Variants in FYB1 observed in about 807,000 individuals in gnomAD.
The protein encoded by FYB1 is FYN-binding protein 1.
FYB1 carries 41 observed loss-of-function variants against 94.1 expected under a neutral mutation model. The observed-to-expected ratio is 0.44, with a 90% confidence interval of 0.34 to 0.57. The LOEUF (loss-of-function observed/expected upper bound fraction) is 0.57, where lower values mean the gene tolerates loss of function less well. Among genes scored for constraint, FYB1 ranks in the 20% least tolerant of loss-of-function variants. The probability of loss-of-function intolerance (pLI) is 0.02; values close to 1 mark genes in which losing one functional copy is unlikely to be tolerated. For synonymous variants in FYB1, 367 were observed against 353.2 expected (o/e 1.04, Z -0.44); for missense variants, 1,050 against 976.8 (o/e 1.07, Z -1.00).
Position 39,107,431 on chromosome 5 carries a change from C to A in FYB1, c.*12G>T. 3 of 1,526,820 alleles carry A rather than the reference C, an allele frequency of 2.0e-6. No homozygotes were observed. Among genetic ancestry groups the A allele is most frequent in the Non-Finnish European group, 2.6e-6 (3 of 1,132,646 alleles). 94.6% of individuals were successfully genotyped at this position (1,526,820 alleles called of 1,614,324 possible). On this transcript the variant is annotated 3_prime_UTR_variant, in exon 19 of 19. Transcript: ENST00000512982. ...CACCTAATGAACACAGCAGAATGAC[C>A]AAAGTTGAGTGCTAGTCATTGTCAT...
chr5:39,128,662 A>G (rs1159008687), intron 10 of FYB1, among the ~76,000 whole-genome samples: 1 of 152,158 alleles, frequency 6.6e-6, no homozygotes, highest in Non-Finnish European at 1.5e-5. Context: ...CAAACTTAAA[A>G]GAAAGAAGTG....
rs557141802 is a variant in FYB1 at position 39,227,591 on chromosome 5, G to A, written c.-27-24604C>T. Among the ~76,000 whole-genome samples, 8 of 152,326 alleles carry A rather than the reference G, an allele frequency of 5.3e-5. No individual in the cohort carries two copies. The East Asian group carries it at 1.5e-3, about 29-fold the overall frequency. ...TCTGTAGATTTTAATTTTTAAAAAT[G>A]ATAAAATATAAACACTAAAGTGAAT... On this transcript the variant is annotated intron_variant, in intron 1 of 1. Transcript: ENST00000510188.
At chr5:39,238,465 G>T (rs1403256282) in intron 1 of FYB1, among the ~76,000 whole-genome samples, 2 of 151,968 alleles carry the variant, frequency 1.3e-5, no homozygotes, top group African/African-American at 4.8e-5. Context: ...ATTTAATTAA[G>T]GTGAGATCAA....
At chr5:39,241,376 A>G (rs1453656981) in intron 1 of FYB1, among the ~76,000 whole-genome samples, 1 of 152,176 alleles carries the variant, frequency 6.6e-6, no homozygotes, top group Admixed American at 6.5e-5. Context: ...AGGACCTATG[A>G]GTCTGGTCCA....
chr5:39,185,230 C>T lies in FYB1; in HGVS notation c.1135+16596G>A, dbSNP rs182656234. 6.2e-4 allele frequency among the ~76,000 whole-genome samples: 95 copies of T among 152,080 alleles called. 2 individuals carry two copies. Among genetic ancestry groups the T allele is most frequent in the Non-Finnish European group, 7.4e-5 (5 of 67,988 alleles). On this transcript the variant is annotated intron_variant, in intron 2 of 18. Transcript: ENST00000512982. The stretch of plus-strand genomic sequence containing the variant: ...TTTAGGATGGTTGTCTTATTCTTAC[C>T]ATGTGCACACTCTTCATTGTTATCA...
Position 39,155,674 on chromosome 5 carries a change from G to GT in FYB1, c.1136-2071dup, listed in dbSNP as rs576684587. Among the ~76,000 whole-genome samples the GT allele has an allele frequency of 4.5e-4, 68 of 151,628 alleles. No homozygotes were observed. The South Asian group carries it at 6.7e-3, about 15-fold the overall frequency. On this transcript the variant is annotated intron_variant, in intron 2 of 18. Transcript: ENST00000512982. The stretch of plus-strand genomic sequence containing the variant: ...TTTTCTCCTACTTCGCTGTGGCTTA[G>GT]TTTTTTTGTTGTTGTTGTTTTTTGT...
At chr5:39,146,693 G>A (rs932281971) in intron 3 of FYB1, among the ~76,000 whole-genome samples, 12 of 152,280 alleles carry the variant, frequency 7.9e-5, no homozygotes, top group Admixed American at 2.6e-4. Context: ...ATTCATACAC[G>A]TGTGTCTGCA....
intron 12 of FYB1, 28 bp downstream of exon 12, chr5:39,125,970 A>G: frequency 6.2e-7 from 1 of 1,608,540 alleles, no homozygotes; most frequent in Non-Finnish European, 8.5e-7. Flanking sequence ...TAGTTATTGT[A>G]CACTGGATTT....
At chr5:39,195,243 C>T (rs1431574917) in intron 2 of FYB1, among the ~76,000 whole-genome samples, 1 of 152,196 alleles carries the variant, frequency 6.6e-6, no homozygotes, top group African/African-American at 2.4e-5. Context: ...GCACTTACCG[C>T]TACGTTTCTA....
chr5:39,202,344 G>T lies in FYB1; in HGVS notation c.617C>A (p.Thr206Asn), dbSNP rs1198718214. 1 of 1,613,848 alleles carries T rather than the reference G, an allele frequency of 6.2e-7. No homozygotes were observed. The highest frequency in any genetic ancestry group is 1.3e-5 in the African/African-American group (1 of 74,916). The change falls in exon 2 of 19, where the codon ACC (threonine) becomes AAC (asparagine). Residue 206 changes from threonine (T) to asparagine (N), a missense_variant. By Grantham distance (65) the Thr-to-Asn change is moderately conservative (BLOSUM62 0). Coordinates refer to ENST00000512982, the MANE Select transcript of FYB1 (RefSeq NM_001465.6). ...PAFGQKPPLS[T>N]ENSHEDESPM... ...GCTTTCGTCTTCATGGGAGTTCTCGGTACTTAGGGGCGGCTTCTGGCCAAA... is the reference window on the plus strand; with the variant it reads ...GCTTTCGTCTTCATGGGAGTTCTCGTTACTTAGGGGCGGCTTCTGGCCAAA...
At chr5:39,127,450 CAAAAAAAA>C (rs34709432) in intron 11 of FYB1, among the ~76,000 whole-genome samples, 5 of 66,440 alleles carry the variant, frequency 7.5e-5, no homozygotes, top group Non-Finnish European at 1.8e-4. Flanking sequence ...GACTCTGTCT[CAAAAAAAA>C]AAAAAAAAAA....
intron 6 of FYB1, 38 bp from the exon 7 acceptor site, chr5:39,137,758 A>G: frequency 6.5e-7 from 1 of 1,549,354 alleles, no homozygotes; most frequent in Non-Finnish European, 8.7e-7. Flanking sequence ...TCACATCTGC[A>G]GGTGTTGATG....
chr5:39,209,274 A>G (rs1749139647), intron 1 of FYB1, among the ~76,000 whole-genome samples: 1 of 152,144 alleles, frequency 6.6e-6, no homozygotes, highest in Middle Eastern at 3.4e-3. Context: ...AAGCTCCTCT[A>G]TCGATAATAG....
chr5:39,139,376 C>A, intron 4 of FYB1, 124 bp from the exon 5 acceptor site: 1 of 822,940 alleles, frequency 1.2e-6, no homozygotes, highest in Non-Finnish European at 1.7e-6. Flanking sequence ...TATGCTTTAT[C>A]AAAGATACAG....
chr5:39,268,123 C>T (rs1213642247), intron 1 of FYB1, among the ~76,000 whole-genome samples: 1 of 152,064 alleles, frequency 6.6e-6, no homozygotes, highest in Admixed American at 6.6e-5. Flanking sequence ...ATAAAATATG[C>T]ATTTAAAATG....
At chr5:39,172,036 G>T (rs1745292429) in intron 2 of FYB1, among the ~76,000 whole-genome samples, 1 of 152,168 alleles carries the variant, frequency 6.6e-6, no homozygotes, top group Admixed American at 6.5e-5. Context: ...AAGGCAGCAT[G>T]GTGAGGAGCA....
intron 1 of FYB1, among the ~76,000 whole-genome samples, chr5:39,211,724 A>G (rs1749411298): frequency 6.6e-6 from 1 of 152,210 alleles, no homozygotes; most frequent in Admixed American, 6.5e-5. Flanking sequence ...CTGTTTGTCA[A>G]GCGAAAAATA....
intron 1 of FYB1, among the ~76,000 whole-genome samples, chr5:39,230,844 T>TACACAC (rs10641788): frequency 0.033 from 4,693 of 143,564 alleles, 230 homozygotes; most frequent in African/African-American, 0.11. Context: ...TGTCTCAGTA[T>TACACAC]ACACACACAC....
At chr5:39,235,846 G>C (rs1750936959) in intron 1 of FYB1, among the ~76,000 whole-genome samples, 1 of 152,024 alleles carries the variant, frequency 6.6e-6, no homozygotes, top group Non-Finnish European at 1.5e-5. Context: ...TTCTAGAACA[G>C]TGTTGTGCAA....
Sources: allele counts gnomAD v4.1 joint callset (sites outside exome capture counted in the v4.1 genomes callset), GRCh38; gene constraint gnomAD v4.1.1; transcripts MANE v1.5; gene names NCBI Gene and HGNC (gene_info 2026-07-23, HGNC 2026-07-21).